The following XRRA1 variants were observed in gnomAD, a reference collection of about 807,000 sequenced individuals.
XRRA1 encodes X-ray radiation resistance associated 1, also known as X-ray radiation resistance-associated protein 1.
XRRA1 carries 69 observed loss-of-function variants against 80.2 expected under a neutral mutation model. That is an observed-to-expected ratio of 0.86 (90% confidence interval 0.71 to 1.05). The LOEUF (loss-of-function observed/expected upper bound fraction) is 1.05, where lower values mean the gene tolerates loss of function less well. XRRA1 is among the 50% of genes least tolerant of loss of function. The pLI is 0.00. For synonymous variants in XRRA1, 348 were observed against 389.9 expected (o/e 0.89, Z 1.27); for missense variants, 967 against 976.4 (o/e 0.99, Z 0.13).
intron 10 of XRRA1, among the ~76,000 whole-genome samples, chr11:74,867,179 T>G (rs114732484): frequency 0.01 from 1,548 of 152,160 alleles, 28 homozygotes; most frequent in African/African-American, 0.033. Flanking sequence ...AAAGCCAGAG[T>G]GTCTTTTTAC....
At chr11:74,922,223 C>A (rs1268886955) in intron 7 of XRRA1, among the ~76,000 whole-genome samples, 1 of 140,216 alleles carries the variant, frequency 7.1e-6, no homozygotes, top group Middle Eastern at 3.7e-3. Context: ...CACCACTGCA[C>A]TCCAGCCTGG....
chr11:74,845,415 A>G (rs1407824847), intron 15 of XRRA1, 144 bp from the exon 16 acceptor site: 1 of 811,932 alleles, frequency 1.2e-6, no homozygotes, highest in Non-Finnish European at 1.9e-6. Context: ...AAGAAAGCAG[A>G]TATAAAAATA....
chr11:74,910,966 AAGG>A (rs2055742567), intron 8 of XRRA1, among the ~76,000 whole-genome samples: 1 of 152,158 alleles, frequency 6.6e-6, no homozygotes, highest in East Asian at 1.9e-4. Flanking sequence ...AAAGGAAAGA[AAGG>A]AGGAGAGAGC....
rs1370757179 is a variant in XRRA1 at position 74,921,268 on chromosome 11, A to G, written c.602T>C (p.Leu201Pro). 1 of 1,613,872 alleles carries G rather than the reference A, an allele frequency of 6.2e-7. No individual in the cohort carries two copies. Among genetic ancestry groups the G allele is most frequent in the Non-Finnish European group, 8.5e-7 (1 of 1,179,894 alleles). ...GGAGGTAAGGCCATTGCCTGTGAGG[A>G]GCAGGACACGGAGGTGTGGCAGAAT... ...LGILPHLRVL[L>P]LTGNGLTSLP... Residue 201 changes from leucine to proline, a missense_variant, in exon 8 of 19, where the codon CTC (leucine) becomes CCC (proline). Physicochemically the swap from Leu to Pro is moderately conservative, Grantham distance 98. Coordinates refer to ENST00000684022, the MANE Select transcript of XRRA1 (RefSeq NM_001378157.1).
intron 2 of XRRA1, among the ~76,000 whole-genome samples, chr11:74,943,465 G>A (rs1204064430): frequency 6.6e-6 from 1 of 151,778 alleles, no homozygotes; most frequent in Non-Finnish European, 1.5e-5. Flanking sequence ...GGTTACAGAA[G>A]TTGGGCAGGC....
Position 74,892,332 on chromosome 11 carries a change from C to T in XRRA1, c.1003+13907G>A, listed in dbSNP as rs145665352. Among the ~76,000 whole-genome samples the T allele has an allele frequency of 4.8e-3, 736 of 152,172 alleles. 7 individuals are homozygous for T. The highest frequency in any genetic ancestry group is 0.016 in the African/African-American group (680 of 41,526). On this transcript the variant is annotated intron_variant, in intron 10 of 18. Transcript: ENST00000684022. ...TGATTCCCTATTTAATAAGTGGTGC[C>T]GGGAAAACTGCCTAGCCATATGTAG...
intron 10 of XRRA1, among the ~76,000 whole-genome samples, chr11:74,875,990 C>T (rs1279763987): frequency 6.6e-6 from 1 of 152,196 alleles, no homozygotes; most frequent in East Asian, 1.9e-4. Context: ...GAAGGACATC[C>T]AATACATCCT....
At chr11:74,922,340 C>T (rs1450753992) in intron 7 of XRRA1, among the ~76,000 whole-genome samples, 3 of 151,784 alleles carry the variant, frequency 2.0e-5, no homozygotes, top group African/African-American at 7.3e-5. Flanking sequence ...TATTGTCAAC[C>T]ACCTTCTAAC....
chr11:74,896,976 G>T (rs1415665786), intron 10 of XRRA1, among the ~76,000 whole-genome samples: 1 of 152,008 alleles, frequency 6.6e-6, no homozygotes, highest in Non-Finnish European at 1.5e-5. Context: ...AGACATTTAA[G>T]AGTGTCAACA....
At chr11:74,898,262 C>T (rs572686179) in intron 10 of XRRA1, among the ~76,000 whole-genome samples, 5 of 151,794 alleles carry the variant, frequency 3.3e-5, no homozygotes, top group East Asian at 3.9e-4. Context: ...AAAAAATATA[C>T]GATGGATACA....
At chr11:74,856,526 C>T (rs1725882907) in intron 12 of XRRA1, among the ~76,000 whole-genome samples, 1 of 152,212 alleles carries the variant, frequency 6.6e-6, no homozygotes, top group South Asian at 2.1e-4. Flanking sequence ...AGATGGGACA[C>T]AGACACTGGC....
rs144833486 is a variant in XRRA1, at chr11:74,909,702, A to C, written c.657-2429T>G. ...GGCAGTTTTGGAAGAAAAGCTCTTCAAAGTGGCAAAGTCTGTCAGTAGTGG... is the reference window on the plus strand; with the variant it reads ...GGCAGTTTTGGAAGAAAAGCTCTTCCAAGTGGCAAAGTCTGTCAGTAGTGG... On this transcript the variant is annotated intron_variant, in intron 8 of 18. Transcript: ENST00000684022. 2.3e-3 allele frequency among the ~76,000 whole-genome samples: 354 copies of C among 152,276 alleles called. 2 individuals are homozygous for C. The highest frequency in any genetic ancestry group is 7.7e-3 in the African/African-American group (321 of 41,566).
intron 2 of XRRA1, 65 bp from the exon 3 acceptor site, chr11:74,940,947 T>C: frequency 8.0e-7 from 1 of 1,253,650 alleles, no homozygotes; most frequent in Non-Finnish European, 1.1e-6. Context: ...GCACTCTTAC[T>C]CCAGTGCAGC....
intron 2 of XRRA1, among the ~76,000 whole-genome samples, chr11:74,943,470 G>A (rs140786801): frequency 5.0e-4 from 76 of 151,050 alleles, no homozygotes; most frequent in African/African-American, 1.8e-3. Flanking sequence ...CAGAAGTTGG[G>A]CAGGCTATGT....
At chr11:74,938,161 G>T (rs1051690178) in intron 3 of XRRA1, among the ~76,000 whole-genome samples, 4 of 152,202 alleles carry the variant, frequency 2.6e-5, no homozygotes, top group African/African-American at 9.7e-5. Flanking sequence ...CTGTCTTCTG[G>T]AAAAGCCCAC....
chr11:74,882,284 T>A (rs2047840670), intron 10 of XRRA1, among the ~76,000 whole-genome samples: 1 of 151,832 alleles, frequency 6.6e-6, no homozygotes, highest in South Asian at 2.1e-4. Context: ...TGATACCCTT[T>A]CTTCCAGTTG....
Position 74,845,073 on chromosome 11 carries a change from C to A in XRRA1, c.1927G>T (p.Gly643Ter). The change falls in exon 16 of 19, where the codon GGA becomes TGA. Residue 643 changes from glycine (G) to a stop codon, truncating the protein, a stop_gained and splice_region_variant. Coordinates refer to ENST00000684022, the MANE Select transcript of XRRA1 (RefSeq NM_001378157.1). LOFTEE classifies it high-confidence loss of function. ...AGAGCAAGGATATGCCCTCACATACCCTTTGGCTCAATGAAGGCTGGATCA... is the reference window on the plus strand; with the variant it reads ...AGAGCAAGGATATGCCCTCACATACACTTTGGCTCAATGAAGGCTGGATCA... ...KPDPAFIEPK[G>*]IQKNAQALQQ... is the part of the protein sequence containing the mutation. 1 of 1,613,252 alleles carries A rather than the reference C, an allele frequency of 6.2e-7. No homozygotes were observed. Among genetic ancestry groups the A allele is most frequent in the Non-Finnish European group, 8.5e-7 (1 of 1,179,854 alleles).
chr11:74,924,473 C>CA (rs113377290), intron 7 of XRRA1, among the ~76,000 whole-genome samples: 3,929 of 95,970 alleles, frequency 0.041, 172 homozygotes, highest in African/African-American at 0.13. Flanking sequence ...AACTCCGTCT[C>CA]AAAAAAAAAA....
chr11:74,863,829 T>C (rs934556568), intron 10 of XRRA1: 7 of 152,280 alleles, frequency 4.6e-5, no homozygotes, highest in Admixed American at 1.3e-4. Context: ...CAAGGGAGTT[T>C]GGGAAAGCTT....
Sources: allele counts gnomAD v4.1 joint callset (sites outside exome capture counted in the v4.1 genomes callset), GRCh38; gene constraint gnomAD v4.1.1; transcripts MANE v1.5; gene names NCBI Gene and HGNC (gene_info 2026-07-23, HGNC 2026-07-21).